TRPM8: variants seen among roughly 807,000 people sequenced by gnomAD.
TRPM8 encodes transient receptor potential cation channel subfamily M member 8.
A neutral mutation model predicts 133.7 loss-of-function variants in TRPM8; 110 were observed. The observed-to-expected ratio is 0.82, with a 90% CI of 0.70 to 0.96. The LOEUF is 0.96. TRPM8 is among the 40% of genes least tolerant of loss of function. The pLI is 0.00. For missense variants in TRPM8, 1,291 were observed against 1,379.5 expected (o/e 0.94, Z 1.02); for synonymous variants, 535 against 532.3 (o/e 1.01, Z -0.07).
rs182733234 is a variant in TRPM8, at chr2:233,955,239, C to T, written c.1351C>T (p.Arg451Cys). 34 of 1,613,624 alleles carry T rather than the reference C, an allele frequency of 2.1e-5. No individual in the cohort carries two copies. Among genetic ancestry groups the T allele is most frequent in the South Asian group, 5.5e-5 (5 of 91,050 alleles). ...LANDEIFTND[R>C]RWESADLQEV... is the part of the protein sequence containing the mutation. Reference sequence around the variant, plus strand: ...CAATGATGAGATTTTCACCAATGACCGCCGATGGGAGGTAAGCACGAAGCT... The same window carrying T: ...CAATGATGAGATTTTCACCAATGACTGCCGATGGGAGGTAAGCACGAAGCT... The change falls in exon 11 of 26, where the codon CGC becomes TGC. Residue 451 changes from arginine (R) to cysteine (C), a missense_variant. Arg to Cys is a radical substitution (Grantham distance 180). Coordinates refer to ENST00000324695, the MANE Select transcript of TRPM8 (RefSeq NM_024080.5).
intron 21 of TRPM8, among the ~76,000 whole-genome samples, chr2:233,991,091 G>C (rs1164433650): frequency 1.3e-5 from 2 of 152,084 alleles, no homozygotes; most frequent in African/African-American, 4.8e-5. Context: ...GGTAGGAGAG[G>C]TAGAAGCAGG....
At chr2:233,949,688 A>G (rs1221105996) in intron 8 of TRPM8, among the ~76,000 whole-genome samples, 6 of 152,376 alleles carry the variant, frequency 3.9e-5, no homozygotes, top group South Asian at 2.1e-4. Flanking sequence ...GCACTTATCT[A>G]TAGAAAACTT....
chr2:233,973,645 G>A (rs1374850149), intron 17 of TRPM8, among the ~76,000 whole-genome samples: 1 of 152,204 alleles, frequency 6.6e-6, no homozygotes, highest in African/African-American at 2.4e-5. Flanking sequence ...TTCCATGTTT[G>A]AATCTTTGGA....
intron 12 of TRPM8, 35 bp downstream of exon 12, chr2:233,961,101 G>A (rs377060461): frequency 1.6e-5 from 25 of 1,596,224 alleles, no homozygotes; most frequent in Middle Eastern, 2.1e-4. Flanking sequence ...TTGAGTTCTC[G>A]GATATTTTGA....
At chr2:233,985,624 G>A in intron 20 of TRPM8, 64 bp from the exon 21 acceptor site, 1 of 1,482,658 alleles carries the variant, frequency 6.7e-7, no homozygotes, top group South Asian at 1.2e-5. Context: ...GTGGCCCTGG[G>A]AATGCCATCG....
chr2:233,940,874 T>A (rs1295944265), intron 5 of TRPM8, among the ~76,000 whole-genome samples: 1 of 152,172 alleles, frequency 6.6e-6, no homozygotes, highest in African/African-American at 2.4e-5. Flanking sequence ...AGGTGTTCTA[T>A]GGCGTGGGGA....
At position 233,983,189 on chromosome 2, in the gene TRPM8, T is replaced by C; in HGVS notation, c.2726T>C (p.Leu909Pro). 1 of 1,614,196 alleles carries C rather than the reference T, an allele frequency of 6.2e-7. No homozygotes were observed. Among genetic ancestry groups the C allele is most frequent in the Non-Finnish European group, 8.5e-7 (1 of 1,180,030 alleles). Residue 909 changes from leucine (L) to proline (P), a missense_variant, in exon 20 of 26, where the codon CTG (leucine) becomes CCG (proline). Leu to Pro is a moderately conservative substitution (Grantham distance 98, BLOSUM62 -3). Around this residue, in one of 2 missense-constraint regions of TRPM8, gnomAD observed 328 missense variants for 410.6 expected, o/e 0.80. Coordinates refer to ENST00000324695, the MANE Select transcript of TRPM8 (RefSeq NM_024080.5). ...IFRSVIYEPY[L>P]AMFGQVPSDV... ...CGTTCGGTCATCTACGAGCCCTACCTGGCCATGTTCGGCCAGGTGCCCAGT... is the reference window on the plus strand; with the variant it reads ...CGTTCGGTCATCTACGAGCCCTACCCGGCCATGTTCGGCCAGGTGCCCAGT...
intron 5 of TRPM8, among the ~76,000 whole-genome samples, chr2:233,940,713 C>T (rs889841302): frequency 6.6e-6 from 1 of 152,134 alleles, no homozygotes; most frequent in African/African-American, 2.4e-5. Context: ...ACCCGCTGTA[C>T]GTGCATGCAG....
chr2:234,009,241 G>A (rs554047938), intron 24 of TRPM8, among the ~76,000 whole-genome samples: 2 of 152,196 alleles, frequency 1.3e-5, no homozygotes, highest in Non-Finnish European at 1.5e-5. Flanking sequence ...AGTTAGATGC[G>A]CTGGGAACTC....
chr2:233,935,891 T>C (rs1265526531), intron 3 of TRPM8, among the ~76,000 whole-genome samples: 1 of 152,144 alleles, frequency 6.6e-6, no homozygotes, highest in Non-Finnish European at 1.5e-5. Context: ...AGACCACATC[T>C]CTCAGGATGC....
chr2:233,978,329 A>G (rs1220596959), intron 17 of TRPM8, among the ~76,000 whole-genome samples: 1 of 151,780 alleles, frequency 6.6e-6, no homozygotes, highest in Non-Finnish European at 1.5e-5. Context: ...AAGCTATGTT[A>G]ATAAACTGCT....
intron 1 of TRPM8, among the ~76,000 whole-genome samples, chr2:233,923,638 A>T (rs892212983): frequency 2.6e-5 from 4 of 152,150 alleles, no homozygotes; most frequent in African/African-American, 9.7e-5. Flanking sequence ...TCTTTGCCAC[A>T]CTTGATTAGG....
At chr2:233,935,714 C>T (rs951908275) in intron 3 of TRPM8, among the ~76,000 whole-genome samples, 7 of 152,142 alleles carry the variant, frequency 4.6e-5, no homozygotes, top group Non-Finnish European at 7.3e-5. Context: ...TTCCTAGCAC[C>T]CTTGGATCTT....
intron 23 of TRPM8, among the ~76,000 whole-genome samples, chr2:234,007,165 A>G (rs779491217): frequency 1.1e-4 from 17 of 152,216 alleles, no homozygotes; most frequent in Admixed American, 5.9e-4. Context: ...CTACTATCCC[A>G]ATTGCCCTTC....
chr2:233,989,637 C>T lies in TRPM8; in HGVS notation c.2939+3772C>T, dbSNP rs1415500465. On this transcript the variant is annotated intron_variant, in intron 21 of 25. Coordinates refer to ENST00000324695, the MANE Select transcript of TRPM8 (RefSeq NM_024080.5). This position sits in a 1 kb window ranked among gnomAD's most constrained non-coding sequence, Gnocchi z 4.2. ...CCTTCCCTGGCACCACATCAAAATACTCATTTAAAAGCTTAACCATACACA... is the reference window on the plus strand; with the variant it reads ...CCTTCCCTGGCACCACATCAAAATATTCATTTAAAAGCTTAACCATACACA... Among the ~76,000 whole-genome samples the T allele has an allele frequency of 6.6e-6, 1 of 152,208 alleles. No individual in the cohort carries two copies. The highest frequency in any genetic ancestry group is 2.4e-5 in the African/African-American group (1 of 41,458).
chr2:233,996,533 T>C lies in TRPM8; in HGVS notation c.3130+17T>C. The C allele has an allele frequency of 1.2e-6, 2 of 1,612,254 alleles. No individual in the cohort carries two copies. Among genetic ancestry groups the C allele is most frequent in the Non-Finnish European group, 1.7e-6 (2 of 1,178,404 alleles). The stretch of plus-strand genomic sequence containing the variant: ...CTGTCTGCTGTGAGTGGTTTATCCA[T>C]GTGTACTTGGGATCAGAAGCAGCGA... On this transcript the variant is annotated intron_variant, in intron 22 of 25. Coordinates refer to ENST00000324695, the MANE Select transcript of TRPM8 (RefSeq NM_024080.5).
intron 3 of TRPM8, among the ~76,000 whole-genome samples, chr2:233,931,664 A>C (rs1181579049): frequency 2.0e-5 from 3 of 152,250 alleles, no homozygotes; most frequent in Non-Finnish European, 2.9e-5. Context: ...AAGACGCAGC[A>C]TATAAAATAC....
At chr2:233,988,732 G>C (rs932480004) in intron 21 of TRPM8, among the ~76,000 whole-genome samples, 30 of 152,310 alleles carry the variant, frequency 2.0e-4, no homozygotes, top group Admixed American at 6.5e-4. Flanking sequence ...GCTGGTGGCA[G>C]GGAGGGACTT....
At chr2:233,999,407 ATTGGT>A (rs1692492833) in intron 22 of TRPM8, among the ~76,000 whole-genome samples, 1 of 152,058 alleles carries the variant, frequency 6.6e-6, no homozygotes, top group Non-Finnish European at 1.5e-5. Context: ...GCTGCGTTCT[ATTGGT>A]CCAAGCAAGT....
Sources: allele counts gnomAD v4.1 joint callset (sites outside exome capture counted in the v4.1 genomes callset), GRCh38; gene constraint gnomAD v4.1.1; regional missense constraint gnomAD v4.1.1; non-coding constraint Gnocchi (gnomAD v3.1); transcripts MANE v1.5; gene names NCBI Gene and HGNC (gene_info 2026-07-23, HGNC 2026-07-21).